The following ATXN7L3 variants were observed in gnomAD, a reference collection of about 807,000 sequenced individuals.
ATXN7L3 encodes the protein ataxin 7 like 3.
A neutral mutation model predicts 50.0 loss-of-function variants in ATXN7L3; 6 were observed. That is an observed-to-expected ratio of 0.12 (90% CI 0.07 to 0.24). The LOEUF (loss-of-function observed/expected upper bound fraction) is 0.24. ATXN7L3 is among the 10% of genes least tolerant of loss of function. The pLI, the probability that ATXN7L3 is intolerant of heterozygous loss-of-function variation, is 1.00. For missense variants in ATXN7L3, 322 were observed against 451.3 expected (o/e 0.71, Z 2.60); for synonymous variants, 198 against 165.8 (o/e 1.19, Z -1.49).
Position 44,197,703 on chromosome 17 carries a change from G to T in ATXN7L3, c.79C>A (p.Leu27Met). 6.2e-7 allele frequency: 1 copy of T among 1,614,270 alleles called. No individual in the cohort carries two copies. Among genetic ancestry groups the T allele is most frequent in the Non-Finnish European group, 8.5e-7 (1 of 1,180,056 alleles). The change falls in exon 3 of 13, where the codon CTG (leucine) becomes ATG (methionine). Residue 27 changes from leucine (L) to methionine (M), a missense_variant. Physicochemically the swap from Leu to Met is conservative, Grantham distance 15. This residue lies in a region of ATXN7L3 where 33 missense variants were observed against 35.1 expected (regional missense o/e 0.94). Transcript: ENST00000587097. Reference sequence around the variant, plus strand: ...AATCCCAAACAAGAATCCTCGACCAGGTCCGCGTATATCTCCTGAGCGATG... The same window carrying T: ...AATCCCAAACAAGAATCCTCGACCATGTCCGCGTATATCTCCTGAGCGATG... ...EAIAQEIYAD[L>M]VEDSCLGFCF...
At position 44,197,552 on chromosome 17, in the gene ATXN7L3, G is replaced by A. The variant is rs750270284; in HGVS notation, c.184+46C>T. 7 of 1,613,112 alleles carry A rather than the reference G, an allele frequency of 4.3e-6. No individual in the cohort carries two copies. In the East Asian group the frequency reaches 6.7e-5, roughly 15 times the overall value. On this transcript the variant is annotated intron_variant, in intron 3 of 12. Coordinates refer to ENST00000587097, the MANE Select transcript of ATXN7L3 (RefSeq NM_001382309.1). ...TTTCCAGAGAAGGAAACTCCAGGCAGTCCCAGGGAAGGGCTGGACTGCTGC... is the reference window on the plus strand; with the variant it reads ...TTTCCAGAGAAGGAAACTCCAGGCAATCCCAGGGAAGGGCTGGACTGCTGC...
At chr17:44,197,959 G>A in intron 2 of ATXN7L3, 61 bp downstream of exon 2, 2 of 1,581,282 alleles carry the variant, frequency 1.3e-6, no homozygotes, top group Non-Finnish European at 1.7e-6. Context: ...GTGGATGCCA[G>A]ATACAGCGAC....
At position 44,197,579 on chromosome 17, in the gene ATXN7L3, C is replaced by T; in HGVS notation, c.184+19G>A. The T allele has an allele frequency of 3.1e-6, 5 of 1,614,212 alleles. No homozygotes were observed. The highest frequency in any genetic ancestry group is 2.2e-5 in the East Asian group (1 of 44,892). On this transcript the variant is annotated intron_variant, in intron 3 of 12. Coordinates refer to ENST00000587097, the MANE Select transcript of ATXN7L3 (RefSeq NM_001382309.1). The stretch of plus-strand genomic sequence containing the variant: ...CCCAGGGAAGGGCTGGACTGCTGCT[C>T]CTTCACCCTGAAGCTCACCAAAATC...
chr17:44,195,762 G>A (rs775928885), intron 8 of ATXN7L3, 38 bp downstream of exon 8: 11 of 1,569,842 alleles, frequency 7.0e-6, no homozygotes, highest in Middle Eastern at 1.7e-4. Context: ...TCACAACCAG[G>A]ACAATGAGAG....
intron 8 of ATXN7L3, 46 bp from the exon 9 acceptor site, chr17:44,195,533 G>T: frequency 6.4e-7 from 1 of 1,561,666 alleles, no homozygotes; most frequent in Non-Finnish European, 8.8e-7. Context: ...GCAGAGAAAA[G>T]AGAAGGACAG....
Position 44,195,814 on chromosome 17 carries a change from A to G in ATXN7L3, c.538T>C (p.Ser180Pro). ...LKHKNGELSN[S>P]DPFKYNNSTG... is the part of the protein sequence containing the mutation. ...CCCATACTCACCTTAAAAGGATCCG[A>G]ATTGCTAAGTTCCCCTGAAGAAGAA... The change falls in exon 8 of 13, where the codon TCG becomes CCG. Residue 180 changes from serine to proline, a missense_variant. This residue lies in a region of ATXN7L3 where 95 missense variants were observed against 98.1 expected (regional missense o/e 0.97). Transcript: ENST00000587097. The G allele has an allele frequency of 6.2e-7, 1 of 1,611,448 alleles. No homozygotes were observed. The highest frequency in any genetic ancestry group is 2.2e-5 in the East Asian group (1 of 44,858).
At chr17:44,196,706 A>G (rs2055908965) in intron 5 of ATXN7L3, among the ~76,000 whole-genome samples, 1 of 139,458 alleles carries the variant, frequency 7.2e-6, no homozygotes, top group African/African-American at 2.7e-5. Context: ...TGAACCCGGG[A>G]GACGGAGGTT....
At position 44,196,948 on chromosome 17, in the gene ATXN7L3, G is replaced by A. The variant is rs775084894; in HGVS notation, c.435C>T (p.Ser145=). The change falls in exon 5 of 13, where the codon TCC becomes TCT. Residue 145 remains serine (S), a synonymous_variant. Transcript: ENST00000587097. ...AAGCACCTTTCTTCTCCGAGCCATA[G>A]GACCAGTCGTTGTCATTGATGTCAT... is the stretch of plus-strand genomic sequence containing the variant. ...DNDDINDNDW[S]YGSEKKAKKR... is the part of the protein sequence containing the mutation. The A allele has an allele frequency of 6.2e-7, 1 of 1,613,308 alleles. No homozygotes were observed.
At chr17:44,197,075 G>A (rs2055934071) in intron 4 of ATXN7L3, 49 bp from the exon 5 acceptor site, 1 of 1,562,796 alleles carries the variant, frequency 6.4e-7, no homozygotes, top group East Asian at 2.2e-5. Flanking sequence ...GAAGAGAAAG[G>A]GGTCAAGGTG....
intron 2 of ATXN7L3, 58 bp downstream of exon 2, chr17:44,197,962 A>G: frequency 6.3e-7 from 1 of 1,583,248 alleles, no homozygotes; most frequent in East Asian, 2.2e-5. Context: ...GATGCCAGAT[A>G]CAGCGACGTA....
At chr17:44,196,108 G>A (rs755792410) in intron 6 of ATXN7L3, 29 bp from the exon 7 acceptor site, 1 of 1,610,170 alleles carries the variant, frequency 6.2e-7, no homozygotes, top group Non-Finnish European at 8.5e-7. Context: ...TAGCTTTGGG[G>A]AAAGGGTAAC....
intron 8 of ATXN7L3, 86 bp from the exon 9 acceptor site, chr17:44,195,573 C>T: frequency 3.5e-6 from 5 of 1,429,040 alleles, no homozygotes; most frequent in Non-Finnish European, 4.9e-6. Context: ...TCCCTCTGGT[C>T]CCTTTCTAAG....
At position 44,197,044 on chromosome 17, in the gene ATXN7L3, G is replaced by A; in HGVS notation, c.357-18C>T. The A allele has an allele frequency of 6.3e-7, 1 of 1,595,844 alleles. No individual in the cohort carries two copies. The highest frequency in any genetic ancestry group is 1.1e-5 in the South Asian group (1 of 90,552). ...TGGCAATCCTGCCAAGGGGAGGGAAGAGAAAGGGGCCAAGGGGAAGGAAGA... is the reference window on the plus strand; with the variant it reads ...TGGCAATCCTGCCAAGGGGAGGGAAAAGAAAGGGGCCAAGGGGAAGGAAGA... On this transcript the variant is annotated intron_variant, in intron 4 of 12. Coordinates refer to ENST00000587097, the MANE Select transcript of ATXN7L3 (RefSeq NM_001382309.1).
chr17:44,192,906 CA>C lies in ATXN7L3; in HGVS notation c.*1356del, dbSNP rs1008480048. ...CCAGCAAGTGCCAGAGAACTTGGCT[CA>C]GGGTCACCTCCACCCATGTCAGTCA... On this transcript the variant is annotated 3_prime_UTR_variant, in exon 13 of 13. Coordinates refer to ENST00000587097, the MANE Select transcript of ATXN7L3 (RefSeq NM_001382309.1). 6.6e-6 allele frequency: 1 copy of C among 152,304 alleles called. No homozygotes were observed. Among genetic ancestry groups the C allele is most frequent in the African/African-American group, 2.4e-5 (1 of 41,432 alleles). The allele number at this position is 152,304 out of a possible 1,614,324, so 9.4% of individuals were successfully genotyped here. A position where few individuals can be genotyped will look rare whatever the true frequency, so the allele number is the denominator to read the frequency against.
intron 1 of ATXN7L3, chr17:44,198,509 TA>T: frequency 6.0e-6 from 1 of 165,600 alleles, no homozygotes; most frequent in Non-Finnish European, 1.3e-5. Context: ...CACAGACTCC[TA>T]AATACACCCC....
chr17:44,195,990 G>C (rs910465296), intron 7 of ATXN7L3, 44 bp downstream of exon 7: 1 of 1,587,004 alleles, frequency 6.3e-7, no homozygotes, highest in African/African-American at 1.3e-5. Context: ...ATGAGTCCCA[G>C]AAGACACAGC....
chr17:44,195,637 G>A (rs1345699936), intron 8 of ATXN7L3, 150 bp from the exon 9 acceptor site: 3 of 1,189,432 alleles, frequency 2.5e-6, no homozygotes, highest in Admixed American at 3.9e-5. Flanking sequence ...CATCCCATCT[G>A]CCAATGGATA....
At chr17:44,197,941 T>A in intron 2 of ATXN7L3, 79 bp downstream of exon 2, 1 of 1,557,448 alleles carries the variant, frequency 6.4e-7, no homozygotes, top group Non-Finnish European at 8.8e-7. Context: ...CCCAAATTCC[T>A]CTTTGGTGTG....
chr17:44,193,685 C>G lies in ATXN7L3; in HGVS notation c.*578G>C, dbSNP rs906288562. ...AGGGGCAGGGAAGGTGGCGGCAGTT[C>G]TGGACGCCCACCTCAGCAGACAGCA... On this transcript the variant is annotated 3_prime_UTR_variant, in exon 13 of 13. Transcript: ENST00000587097. 6.5e-6 allele frequency: 1 copy of G among 152,986 alleles called. No individual in the cohort carries two copies. Among genetic ancestry groups the G allele is most frequent in the South Asian group, 2.0e-4 (1 of 4,882 alleles). The allele number at this position is 152,986 out of a possible 1,614,324, so 9.5% of individuals were successfully genotyped here. A position where few individuals can be genotyped will look rare whatever the true frequency, so the allele number is the denominator to read the frequency against.
Sources: allele counts gnomAD v4.1 joint callset (sites outside exome capture counted in the v4.1 genomes callset), GRCh38; gene constraint gnomAD v4.1.1; regional missense constraint gnomAD v4.1.1; transcripts MANE v1.5; gene names NCBI Gene and HGNC (gene_info 2026-07-23, HGNC 2026-07-21).